TENM4: variants seen among roughly 807,000 people sequenced by gnomAD.
TENM4 encodes the protein teneurin-4.
Under a neutral mutation model 243.3 loss-of-function variants are expected in TENM4, and 82 were observed. The observed-to-expected ratio is 0.34, with a 90% CI of 0.28 to 0.40. The LOEUF is 0.40. Among genes scored for constraint, TENM4 ranks in the 10% least tolerant of loss-of-function variants. The pLI is 1.00. For missense variants in TENM4, 3,138 were observed against 3,673.3 expected (o/e 0.85, Z 3.77); for synonymous variants, 1,412 against 1,456.3 (o/e 0.97, Z 0.69).
At chr11:79,009,410 G>A (rs1448167880) in intron 6 of TENM4, among the ~76,000 whole-genome samples, 1 of 152,148 alleles carries the variant, frequency 6.6e-6, no homozygotes, top group African/African-American at 2.4e-5. Flanking sequence ...AGAACCTGGG[G>A]ATGTGGAGAT....
At chr11:79,146,797 CTG>C (rs1465442613) in intron 4 of TENM4, among the ~76,000 whole-genome samples, 1 of 152,058 alleles carries the variant, frequency 6.6e-6, no homozygotes, top group African/African-American at 2.4e-5. Flanking sequence ...AAGGCGAAAA[CTG>C]TACCACTCTT....
chr11:78,787,701 A>AT (rs1464424935), intron 15 of TENM4, among the ~76,000 whole-genome samples: 2 of 152,150 alleles, frequency 1.3e-5, no homozygotes, highest in African/African-American at 4.8e-5. Context: ...TGCTGGGTTT[A>AT]TTCTCTTTCA....
intron 1 of TENM4, among the ~76,000 whole-genome samples, chr11:79,374,911 C>T (rs1857862455): frequency 6.6e-6 from 1 of 152,186 alleles, no homozygotes; most frequent in Non-Finnish European, 1.5e-5. Flanking sequence ...TCTGCTTTGG[C>T]TGCAACGACG....
intron 6 of TENM4, among the ~76,000 whole-genome samples, chr11:78,976,601 A>T (rs1328162946): frequency 6.6e-6 from 1 of 152,192 alleles, no homozygotes; most frequent in Non-Finnish European, 1.5e-5. Context: ...TGGGGAAAGC[A>T]CAAACATAAT....
intron 6 of TENM4, among the ~76,000 whole-genome samples, chr11:78,917,107 G>T (rs549100105): frequency 6.6e-6 from 1 of 152,330 alleles, no homozygotes; most frequent in East Asian, 1.9e-4. Flanking sequence ...ACCACAAAAA[G>T]TGTTGCTGTT....
chr11:78,910,422 CA>C (rs1371796142), intron 6 of TENM4, among the ~76,000 whole-genome samples: 1 of 152,170 alleles, frequency 6.6e-6, no homozygotes. Flanking sequence ...GGTGATGTAG[CA>C]GTGCTGAGAG....
At chr11:78,690,633 C>T (rs2135730214) in intron 28 of TENM4, among the ~76,000 whole-genome samples, 1 of 152,230 alleles carries the variant, frequency 6.6e-6, no homozygotes, top group African/African-American at 2.4e-5. Flanking sequence ...TAACAATTTC[C>T]AGGCATTTTC....
intron 1 of TENM4, among the ~76,000 whole-genome samples, chr11:79,371,163 T>G (rs185934908): frequency 6.6e-6 from 1 of 152,332 alleles, no homozygotes; most frequent in Non-Finnish European, 1.5e-5. Context: ...TCAGAAGCTA[T>G]GCAGGGATAG....
At chr11:78,937,158 T>A (rs999401732) in intron 6 of TENM4, among the ~76,000 whole-genome samples, 4 of 152,142 alleles carry the variant, frequency 2.6e-5, no homozygotes, top group Non-Finnish European at 4.4e-5. Flanking sequence ...AGGGCAGTGA[T>A]CCTGGAGGTT....
chr11:78,771,989 C>T (rs1013340638), intron 17 of TENM4, among the ~76,000 whole-genome samples: 7 of 152,254 alleles, frequency 4.6e-5, no homozygotes, highest in African/African-American at 1.4e-4. Context: ...TGAAGCCTAT[C>T]AAAGGAGACA....
rs1360897006 is a variant in TENM4, at chr11:78,655,196, C to T, written c.*2862G>A. ...CCTGCAGCCCAAATGGAAACCAACTCAAAAGGGCCAAGGCCAGAAGCACCA... is the reference window on the plus strand; with the variant it reads ...CCTGCAGCCCAAATGGAAACCAACTTAAAAGGGCCAAGGCCAGAAGCACCA... On this transcript the variant is annotated 3_prime_UTR_variant, in exon 34 of 34. Transcript: ENST00000278550. 1 of 152,364 alleles carries T rather than the reference C, an allele frequency of 6.6e-6. No homozygotes were observed. The highest frequency in any genetic ancestry group is 2.4e-5 in the African/African-American group (1 of 41,540). The allele number at this position is 152,364 out of a possible 1,614,324, so 9.4% of individuals were successfully genotyped here. A position where few individuals can be genotyped will look rare whatever the true frequency, so the allele number is the denominator to read the frequency against.
intron 6 of TENM4, among the ~76,000 whole-genome samples, chr11:79,040,579 A>T (rs761521906): frequency 6.6e-6 from 1 of 152,190 alleles, no homozygotes; most frequent in Non-Finnish European, 1.5e-5. Context: ...TATGGAGTGG[A>T]GAGAAAACAT....
At position 78,894,676 on chromosome 11, in the gene TENM4, A is replaced by G. The variant is rs56859601; in HGVS notation, c.750-3340T>C. ...TTATTTAGATCTCTCTGGAATTTGG[A>G]GAGACATGAGCACTTGCTGAAAATG... is the stretch of plus-strand genomic sequence containing the variant. On this transcript the variant is annotated intron_variant, in intron 7 of 33. Coordinates refer to ENST00000278550, the MANE Select transcript of TENM4 (RefSeq NM_001098816.3). Among the ~76,000 whole-genome samples the G allele has an allele frequency of 2.5e-3, 387 of 152,270 alleles. 2 individuals are homozygous for G. The highest frequency in any genetic ancestry group is 8.8e-3 in the African/African-American group (365 of 41,544).
chr11:79,066,676 ACACG>A (rs1437084332), intron 5 of TENM4, among the ~76,000 whole-genome samples: 1 of 151,756 alleles, frequency 6.6e-6, no homozygotes, highest in Non-Finnish European at 1.5e-5. Flanking sequence ...ACATGCACAC[ACACG>A]CACGCATGCA....
At chr11:78,871,160 C>A (rs1859117236) in intron 9 of TENM4, among the ~76,000 whole-genome samples, 1 of 152,166 alleles carries the variant, frequency 6.6e-6, no homozygotes, top group Admixed American at 6.5e-5. Flanking sequence ...GACCTGTGTT[C>A]CTTCTCTGGT....
intron 3 of TENM4, among the ~76,000 whole-genome samples, chr11:79,191,108 GTCTCCC>G (rs1462029054): frequency 3.1e-4 from 6 of 19,568 alleles, no homozygotes; most frequent in African/African-American, 9.6e-4. Flanking sequence ...TCCCTCTCCC[GTCTCCC>G]TCTCCCTCTC....
chr11:79,341,446 G>T (rs962312922), intron 1 of TENM4, among the ~76,000 whole-genome samples: 1 of 152,162 alleles, frequency 6.6e-6, no homozygotes, highest in African/African-American at 2.4e-5. Context: ...CAGCTGGGCA[G>T]GTACTAGATC....
chr11:79,279,119 ACAAGCTGAAAGTTTAC>A (rs1357854107), intron 2 of TENM4, among the ~76,000 whole-genome samples: 1 of 152,192 alleles, frequency 6.6e-6, no homozygotes, highest in Admixed American at 6.5e-5. Context: ...GGTGGTCTCT[ACAAGCTGAAAGTTTAC>A]CACATTAGGG....
At chr11:78,976,696 T>C (rs948002215) in intron 6 of TENM4, among the ~76,000 whole-genome samples, 27 of 152,126 alleles carry the variant, frequency 1.8e-4, no homozygotes, top group African/African-American at 5.8e-4. Flanking sequence ...AGAGTGGACA[T>C]GTAGAGAAAT....
Sources: gnomAD v4.1 joint callset for allele counts (sites outside exome capture counted in the v4.1 genomes callset) on GRCh38, gnomAD v4.1.1 for gene constraint, MANE v1.5 for transcripts, NCBI Gene and HGNC (gene_info 2026-07-23, HGNC 2026-07-21) for gene names.